The following PLEKHA8 variants were observed in gnomAD, a reference collection of about 807,000 sequenced individuals.
The protein encoded by PLEKHA8 is pleckstrin homology domain containing A8, also known as pleckstrin homology domain-containing family A member 8.
In PLEKHA8, 36 loss-of-function variants were observed where a neutral mutation model predicts 68.2. That is an observed-to-expected ratio of 0.53 (90% confidence interval 0.40 to 0.70). The LOEUF (loss-of-function observed/expected upper bound fraction) is 0.70, where lower values mean the gene tolerates loss of function less well. Ranked by LOEUF, PLEKHA8 falls within the 30% of genes least tolerant of loss-of-function variation. PLEKHA8 has a pLI of 0.00. For missense variants in PLEKHA8, 505 were observed against 615.4 expected (o/e 0.82, Z 1.90); for synonymous variants, 211 against 216.1 (o/e 0.98, Z 0.20).
Position 30,062,858 on chromosome 7 carries a change from TTTC to T in PLEKHA8, c.1300+119_1300+121del, listed in dbSNP as rs1287680692. On this transcript the variant is annotated intron_variant, in intron 12 of 13. Transcript: ENST00000449726. ...CTTTTCAGAATTTGATTTTGTTTCT[TTTC>T]TTATTTCATTATTATTCATTGCTTC... The T allele has an allele frequency of 9.5e-6, 7 of 737,322 alleles. No homozygotes were observed. The Admixed American group carries it at 2.3e-4, about 25-fold the overall frequency. The allele number at this position is 737,322 out of a possible 1,614,324, so 45.7% of individuals were successfully genotyped here.
At chr7:30,044,997 T>A in intron 1 of PLEKHA8, 88 bp from the exon 2 acceptor site, 1 of 811,212 alleles carries the variant, frequency 1.2e-6, no homozygotes, top group South Asian at 2.1e-5. Context: ...GCTAACCCAG[T>A]ATCCTATGTT....
intron 1 of PLEKHA8, among the ~76,000 whole-genome samples, chr7:30,034,508 T>G (rs190593554): frequency 6.4e-4 from 97 of 152,284 alleles, no homozygotes; most frequent in Admixed American, 5.9e-3. Context: ...TTAACACATA[T>G]GTTATGTCAT....
chr7:30,120,930 CAGA>C (rs1040741714), intron 13 of PLEKHA8, among the ~76,000 whole-genome samples: 1 of 152,192 alleles, frequency 6.6e-6, no homozygotes, highest in Non-Finnish European at 1.5e-5. Context: ...GACAGTGGGA[CAGA>C]AGGCCAACCC....
intron 1 of PLEKHA8, among the ~76,000 whole-genome samples, chr7:30,032,899 AG>A (rs1790771950): frequency 6.6e-6 from 1 of 152,244 alleles, no homozygotes; most frequent in African/African-American, 2.4e-5. Flanking sequence ...AGCAGGTTAA[AG>A]CTCAAGCACA....
intron 9 of PLEKHA8, among the ~76,000 whole-genome samples, chr7:30,057,974 A>G (rs1453518499): frequency 6.6e-6 from 1 of 152,152 alleles, no homozygotes; most frequent in African/African-American, 2.4e-5. Flanking sequence ...TGGTAGTGTC[A>G]ATATTTTGTT....
At chr7:30,045,522 C>T (rs1381288474) in intron 2 of PLEKHA8, among the ~76,000 whole-genome samples, 1 of 152,230 alleles carries the variant, frequency 6.6e-6, no homozygotes. Flanking sequence ...GCATCAAACA[C>T]TTTTGTGTTT....
intron 5 of PLEKHA8, among the ~76,000 whole-genome samples, chr7:30,050,233 G>A (rs903815769): frequency 6.6e-6 from 1 of 152,066 alleles, no homozygotes. Context: ...GTATTTGTAA[G>A]GAATACATTT....
intron 13 of PLEKHA8, among the ~76,000 whole-genome samples, chr7:30,116,428 T>A (rs1796566099): frequency 6.6e-6 from 1 of 152,098 alleles, no homozygotes; most frequent in South Asian, 2.1e-4. Context: ...CTTACATCAT[T>A]AAAATTCATT....
chr7:30,089,386 T>G (rs1368939000), downstream of PLEKHA8, among the ~76,000 whole-genome samples: 2 of 124,150 alleles, frequency 1.6e-5, no homozygotes, highest in Non-Finnish European at 3.1e-5. Flanking sequence ...AGGAGTAACA[T>G]GTGGCCCAGA....
At chr7:30,126,527 A>AT (rs1796774829) in intron 13 of PLEKHA8, among the ~76,000 whole-genome samples, 1 of 152,240 alleles carries the variant, frequency 6.6e-6, no homozygotes, top group Non-Finnish European at 1.5e-5. Context: ...GTCTGGTTGT[A>AT]TAAATAAACC....
intron 13 of PLEKHA8, among the ~76,000 whole-genome samples, chr7:30,103,886 G>T (rs1795963434): frequency 6.6e-6 from 1 of 152,064 alleles, no homozygotes; most frequent in Non-Finnish European, 1.5e-5. Flanking sequence ...TGACAAATTG[G>T]ACTTCATCAA....
intron 4 of PLEKHA8, 124 bp from the exon 5 acceptor site, chr7:30,049,100 T>C: frequency 8.9e-7 from 1 of 1,128,850 alleles, no homozygotes; most frequent in Non-Finnish European, 1.3e-6. Context: ...TTATAACTGA[T>C]GTACATATTT....
intron 1 of PLEKHA8, among the ~76,000 whole-genome samples, chr7:30,034,370 C>T (rs1033411408): frequency 6.6e-6 from 1 of 152,064 alleles, no homozygotes; most frequent in African/African-American, 2.4e-5. Flanking sequence ...ATACAGTTGA[C>T]CCATGAATAA....
intron 1 of PLEKHA8, among the ~76,000 whole-genome samples, chr7:30,043,419 G>A (rs1791691430): frequency 2.0e-5 from 3 of 152,152 alleles, no homozygotes; most frequent in Admixed American, 6.5e-5. Flanking sequence ...AAGGGTCTAG[G>A]TCTCTGGGAA....
intron 13 of PLEKHA8, among the ~76,000 whole-genome samples, chr7:30,115,670 A>G (rs190380948): frequency 2.0e-5 from 3 of 151,678 alleles, no homozygotes; most frequent in East Asian, 1.9e-4. Flanking sequence ...GTATACGTGT[A>G]TACATACGCA....
chr7:30,094,599 G>T (rs1795535204), downstream of PLEKHA8, among the ~76,000 whole-genome samples: 1 of 151,614 alleles, frequency 6.6e-6, no homozygotes, highest in Non-Finnish European at 1.5e-5. Context: ...TGCCATGTTG[G>T]TGTGCTGCAC....
chr7:30,081,398 C>G lies in PLEKHA8; in HGVS notation c.*2611C>G. On this transcript the variant is annotated 3_prime_UTR_variant, in exon 14 of 14. Transcript: ENST00000449726. The stretch of plus-strand genomic sequence containing the variant: ...ATTAGAAATTGAACCTAATACTAAA[C>G]AGTAAATTCAGCTTAACCTGAACCT... 1.0e-6 allele frequency: 1 copy of G among 984,398 alleles called. No homozygotes were observed. The highest frequency in any genetic ancestry group is 1.2e-6 in the Non-Finnish European group (1 of 829,006). 61.0% of individuals were successfully genotyped at this position (984,398 alleles called of 1,614,324 possible). A position where few individuals can be genotyped will look rare whatever the true frequency, so the allele number is the denominator to read the frequency against.
intron 1 of PLEKHA8, among the ~76,000 whole-genome samples, chr7:30,033,504 T>C (rs1187806393): frequency 6.6e-6 from 1 of 152,276 alleles, no homozygotes; most frequent in Non-Finnish European, 1.5e-5. Context: ...ATTGTATATG[T>C]ATACCATATT....
At chr7:30,031,767 A>T (rs1378299102) in intron 1 of PLEKHA8, among the ~76,000 whole-genome samples, 1 of 152,214 alleles carries the variant, frequency 6.6e-6, no homozygotes, top group African/African-American at 2.4e-5. Flanking sequence ...GTACTTCACT[A>T]AATACTATGT....
Sources: allele counts gnomAD v4.1 joint callset (sites outside exome capture counted in the v4.1 genomes callset), GRCh38; gene constraint gnomAD v4.1.1; transcripts MANE v1.5; gene names NCBI Gene and HGNC (gene_info 2026-07-23, HGNC 2026-07-21).